The following CCDC146 variants were observed in gnomAD, a reference collection of about 807,000 sequenced individuals.
The protein encoded by CCDC146 is coiled-coil domain-containing protein 146.
Under a neutral mutation model 119.3 loss-of-function variants are expected in CCDC146, and 92 were observed. The ratio of observed to expected loss-of-function variants is 0.77; its 90% confidence interval spans 0.65 to 0.92. The LOEUF is 0.92. Ranked by LOEUF, CCDC146 falls within the 40% of genes least tolerant of loss-of-function variation. CCDC146 has a pLI of 0.00. For missense variants in CCDC146, 1,000 were observed against 1,103.0 expected (o/e 0.91, Z 1.32); for synonymous variants, 372 against 371.8 (o/e 1.00, Z -0.01).
chr7:77,221,679 G>A (rs145068782), intron 2 of CCDC146, among the ~76,000 whole-genome samples: 302 of 152,220 alleles, frequency 2.0e-3, no homozygotes, highest in African/African-American at 4.9e-3. Context: ...TGGCTTCAGC[G>A]CACTTCCCAT....
chr7:77,271,210 C>T (rs1315310873), intron 9 of CCDC146, among the ~76,000 whole-genome samples: 2 of 151,870 alleles, frequency 1.3e-5, no homozygotes. Context: ...GGAAAGCAGA[C>T]CCACCCTTAA....
At chr7:77,171,575 G>A (rs1791422367) in intron 2 of CCDC146, among the ~76,000 whole-genome samples, 1 of 152,176 alleles carries the variant, frequency 6.6e-6, no homozygotes, top group African/African-American at 2.4e-5. Context: ...TGTCAGATCT[G>A]TAAGTAATAA....
intron 17 of CCDC146, among the ~76,000 whole-genome samples, chr7:77,288,014 C>G (rs1459225011): frequency 6.6e-6 from 1 of 152,208 alleles, no homozygotes; most frequent in Non-Finnish European, 1.5e-5. Flanking sequence ...ACACAACACC[C>G]AGACCAACTG....
At chr7:77,223,170 G>A (rs1374069982) in intron 2 of CCDC146, among the ~76,000 whole-genome samples, 2 of 152,198 alleles carry the variant, frequency 1.3e-5, no homozygotes, top group East Asian at 1.9e-4. Context: ...AGGTAGAGAG[G>A]AAATAATTTT....
At chr7:77,142,106 TATC>T (rs1437632652) in intron 1 of CCDC146, among the ~76,000 whole-genome samples, 4 of 152,230 alleles carry the variant, frequency 2.6e-5, no homozygotes, top group African/African-American at 9.6e-5. Context: ...CCACAGCCAA[TATC>T]ATACTGAATG....
intron 2 of CCDC146, among the ~76,000 whole-genome samples, chr7:77,176,641 G>A (rs1236397597): frequency 2.6e-5 from 4 of 152,080 alleles, no homozygotes; most frequent in Admixed American, 1.3e-4. Context: ...TGAAAGAATT[G>A]CAACTTGATA....
chr7:77,130,935 AG>A (rs1790777390), intron 1 of CCDC146, among the ~76,000 whole-genome samples: 1 of 149,240 alleles, frequency 6.7e-6, no homozygotes, highest in Admixed American at 6.7e-5. Flanking sequence ...TCTGTCATCC[AG>A]GCTGGAGTGC....
chr7:77,248,503 A>G (rs886449717), intron 4 of CCDC146, among the ~76,000 whole-genome samples: 8 of 152,196 alleles, frequency 5.3e-5, no homozygotes, highest in African/African-American at 1.7e-4. Flanking sequence ...GTTATTTGTT[A>G]TAACCAGTGG....
chr7:77,279,975 C>G (rs1793732425), intron 13 of CCDC146, among the ~76,000 whole-genome samples: 1 of 152,112 alleles, frequency 6.6e-6, no homozygotes, highest in Non-Finnish European at 1.5e-5. Flanking sequence ...ATATGATTTC[C>G]TAATCAGGTT....
At chr7:77,261,810 G>A (rs1793305373) in intron 8 of CCDC146, among the ~76,000 whole-genome samples, 1 of 152,190 alleles carries the variant, frequency 6.6e-6, no homozygotes, top group Non-Finnish European at 1.5e-5. Flanking sequence ...AATAGTCTGT[G>A]GCATATGTAC....
At chr7:77,256,304 T>C (rs750687850) in intron 5 of CCDC146, 29 bp from the exon 6 acceptor site, 3 of 1,538,802 alleles carry the variant, frequency 1.9e-6, no homozygotes, top group African/African-American at 1.4e-5. Context: ...TCAGACTATA[T>C]AACCTAATCA....
chr7:77,189,841 C>G (rs541433168), intron 2 of CCDC146, among the ~76,000 whole-genome samples: 12 of 152,286 alleles, frequency 7.9e-5, no homozygotes, highest in African/African-American at 1.2e-4. Context: ...ATCTTTAGGT[C>G]TCTGTTCAAA....
intron 2 of CCDC146, among the ~76,000 whole-genome samples, chr7:77,180,205 T>C (rs1241874011): frequency 1.3e-5 from 2 of 149,696 alleles, no homozygotes; most frequent in Non-Finnish European, 3.0e-5. Context: ...ACCATATATA[T>C]GCACCCATAT....
At chr7:77,134,038 C>A (rs1018225671) in intron 1 of CCDC146, among the ~76,000 whole-genome samples, 41 of 152,152 alleles carry the variant, frequency 2.7e-4, no homozygotes, top group Non-Finnish European at 5.9e-4. Context: ...ATACTCAAGT[C>A]CCTCTGCATA....
chr7:77,158,601 C>T (rs1477896254), intron 1 of CCDC146, among the ~76,000 whole-genome samples: 5 of 152,038 alleles, frequency 3.3e-5, no homozygotes, highest in African/African-American at 1.2e-4. Flanking sequence ...CTCACTGCAA[C>T]CTCTGCCTTC....
chr7:77,241,300 G>A (rs1240929713), intron 3 of CCDC146, among the ~76,000 whole-genome samples: 2 of 94,432 alleles, frequency 2.1e-5, no homozygotes, highest in East Asian at 2.5e-4. Flanking sequence ...CTTGTGATCC[G>A]CCTGCCTCGG....
intron 18 of CCDC146, 82 bp downstream of exon 18, chr7:77,293,282 T>G (rs1793984129): frequency 6.7e-7 from 1 of 1,483,748 alleles, no homozygotes; most frequent in African/African-American, 1.4e-5. Flanking sequence ...TCCCACAGTA[T>G]AAGAAAAATT....
In CCDC146 at chr7:77,278,830, A is replaced by C; in HGVS notation, c.1519A>C (p.Ile507Leu). 1.2e-6 allele frequency: 2 copies of C among 1,611,452 alleles called. No individual in the cohort carries two copies. Among genetic ancestry groups the C allele is most frequent in the Admixed American group, 3.3e-5 (2 of 59,762 alleles). ...GATACACAAGAAGAAAAAATGTGAA[A>C]TTTATCGGAGGTAAAGTAATTATGT... ...IRIHKKKKCE[I>L]YRRLREFAKL... Residue 507 changes from isoleucine to leucine, a missense_variant, in exon 12 of 19, where the codon ATT (isoleucine) becomes CTT (leucine). Around this residue, in one of 2 missense-constraint regions of CCDC146, gnomAD observed 985 missense variants for 1,045.3 expected, o/e 0.94. Transcript: ENST00000285871.
chr7:77,282,985 T>C (rs1330596529), intron 15 of CCDC146, among the ~76,000 whole-genome samples, 200 bp downstream of exon 15: 1 of 152,218 alleles, frequency 6.6e-6, no homozygotes, highest in Non-Finnish European at 1.5e-5. Context: ...ACACATTGTC[T>C]TTTTTTCTTA....
Sources: allele counts gnomAD v4.1 joint callset (sites outside exome capture counted in the v4.1 genomes callset), GRCh38; gene constraint gnomAD v4.1.1; regional missense constraint gnomAD v4.1.1; transcripts MANE v1.5; gene names NCBI Gene and HGNC (gene_info 2026-07-23, HGNC 2026-07-21).